Variants in EIF4E3 observed in about 807,000 individuals in gnomAD.
EIF4E3 encodes eukaryotic translation initiation factor 4E type 3.
EIF4E3 carries 26 observed loss-of-function variants against 31.7 expected under a neutral mutation model. The observed-to-expected ratio is 0.82, with a 90% confidence interval of 0.60 to 1.14. EIF4E3 has a LOEUF of 1.14. Among genes scored for constraint, EIF4E3 ranks in the 50% most tolerant of loss-of-function variants. The probability of loss-of-function intolerance (pLI) is 0.00; values close to 1 mark genes in which losing one functional copy is unlikely to be tolerated. For synonymous variants in EIF4E3, 128 were observed against 107.7 expected (o/e 1.19, Z -1.17); for missense variants, 304 against 270.9 (o/e 1.12, Z -0.86).
intron 1 of EIF4E3, among the ~76,000 whole-genome samples, chr3:71,733,414 G>A (rs1188757672): frequency 2.6e-5 from 4 of 152,206 alleles, no homozygotes; most frequent in Non-Finnish European, 5.9e-5. Flanking sequence ...TCATTTAGGG[G>A]AACATTTTGT....
intron 1 of EIF4E3, among the ~76,000 whole-genome samples, chr3:71,730,649 C>T (rs1342298693): frequency 6.6e-6 from 1 of 152,182 alleles, no homozygotes; most frequent in African/African-American, 2.4e-5. Flanking sequence ...ATCCATCCAC[C>T]TATCAGACAT....
intron 1 of EIF4E3, among the ~76,000 whole-genome samples, chr3:71,739,107 T>C (rs1223706516): frequency 6.7e-6 from 1 of 150,018 alleles, no homozygotes; most frequent in East Asian, 2.0e-4. Context: ...GCTAAAGCAC[T>C]ACTGAGAGGG....
upstream of EIF4E3, among the ~76,000 whole-genome samples, chr3:71,725,639 G>A (rs193182408): frequency 3.2e-3 from 489 of 152,130 alleles, 2 homozygotes; most frequent in Non-Finnish European, 5.4e-3. This position sits in a 1 kb window ranked among gnomAD's most constrained non-coding sequence, Gnocchi z 6.1. Flanking sequence ...CCCAGCGTGG[G>A]AGACTGACGG....
chr3:71,678,295 A>G lies in EIF4E3; in HGVS notation c.*6387T>C, dbSNP rs554462788. The G allele has an allele frequency of 2.6e-5, 4 of 152,320 alleles. No homozygotes were observed. Among genetic ancestry groups the G allele is most frequent in the Admixed American group, 2.6e-4 (4 of 15,294 alleles). The allele number at this position is 152,320 out of a possible 1,614,324, so 9.4% of individuals were successfully genotyped here. On this transcript the variant is annotated 3_prime_UTR_variant, in exon 7 of 7. Coordinates refer to ENST00000425534, the MANE Select transcript of EIF4E3 (RefSeq NM_001134651.2). Reference sequence around the variant, plus strand: ...GAGAATTAGTAGCAACAGATTACAAAAGATCTCAAAATAAAGTTCTACAAA... The same window carrying G: ...GAGAATTAGTAGCAACAGATTACAAGAGATCTCAAAATAAAGTTCTACAAA...
chr3:71,710,267 G>A, intron 2 of EIF4E3, 145 bp downstream of exon 2: 1 of 856,016 alleles, frequency 1.2e-6, no homozygotes, highest in East Asian at 2.7e-5. Flanking sequence ...TTGGTCAAGG[G>A]CAGCTGTGCC....
intron 5 of EIF4E3, among the ~76,000 whole-genome samples, chr3:71,693,473 C>T (rs2049090937): frequency 6.6e-6 from 1 of 152,162 alleles, no homozygotes; most frequent in Non-Finnish European, 1.5e-5. Context: ...TCACTAGACA[C>T]TGAAGACACT....
In EIF4E3 at chr3:71,684,653, A is replaced by G. The variant is rs1322770689; in HGVS notation, c.*29T>C. 1 of 1,613,468 alleles carries G rather than the reference A, an allele frequency of 6.2e-7. No individual in the cohort carries two copies. The highest frequency in any genetic ancestry group is 8.5e-7 in the Non-Finnish European group (1 of 1,179,758). The stretch of plus-strand genomic sequence containing the variant: ...AGACCGTTTCCAAAACCAATCAGCA[A>G]AGGACAAAGAATTCTTTACAGAGTG... On this transcript the variant is annotated 3_prime_UTR_variant, in exon 7 of 7. Coordinates refer to ENST00000425534, the MANE Select transcript of EIF4E3 (RefSeq NM_001134651.2).
intron 1 of EIF4E3, among the ~76,000 whole-genome samples, chr3:71,749,590 C>T (rs2108164511): frequency 6.6e-6 from 1 of 152,276 alleles, no homozygotes; most frequent in South Asian, 2.1e-4. Flanking sequence ...ATGACCTTGA[C>T]TGTATCTGCC....
chr3:71,747,584 G>A (rs928450499), intron 1 of EIF4E3, among the ~76,000 whole-genome samples: 2 of 152,060 alleles, frequency 1.3e-5, no homozygotes, highest in African/African-American at 4.8e-5. Context: ...TCATTTTCTT[G>A]ATGGTGTCTA....
At chr3:71,719,646 G>A (rs2049516435) in intron 1 of EIF4E3, among the ~76,000 whole-genome samples, 1 of 152,170 alleles carries the variant, frequency 6.6e-6, no homozygotes, top group Admixed American at 6.5e-5. Context: ...CCAAGGAAAG[G>A]GCCAGTAGTC....
rs2048932839 is a variant in EIF4E3 at position 71,682,239 on chromosome 3, A to G, written c.*2443T>C. 2.6e-5 allele frequency: 4 copies of G among 152,240 alleles called. No individual in the cohort carries two copies. Among genetic ancestry groups the G allele is most frequent in the Admixed American group, 2.6e-4 (4 of 15,282 alleles). The allele number at this position is 152,240 out of a possible 1,614,324, so 9.4% of individuals were successfully genotyped here. A position where few individuals can be genotyped will look rare whatever the true frequency, so the allele number is the denominator to read the frequency against. On this transcript the variant is annotated 3_prime_UTR_variant, in exon 7 of 7. Transcript: ENST00000425534. ...CAGACCCTAAGGAATTACAAAGACAAAAAAGCAAGCTCTTTGGTTTCTGCA... is the reference window on the plus strand; with the variant it reads ...CAGACCCTAAGGAATTACAAAGACAGAAAAGCAAGCTCTTTGGTTTCTGCA...
chr3:71,715,348 G>A (rs546981398), intron 1 of EIF4E3, among the ~76,000 whole-genome samples: 80 of 152,330 alleles, frequency 5.3e-4, no homozygotes, highest in African/African-American at 1.9e-3. Context: ...GGCCACTGGG[G>A]ATACAATGGT....
chr3:71,692,665 C>G (rs2049079537), intron 5 of EIF4E3, among the ~76,000 whole-genome samples: 1 of 151,514 alleles, frequency 6.6e-6, no homozygotes, highest in African/African-American at 2.4e-5. Flanking sequence ...GCGATCATAG[C>G]TCATTGCAGC....
chr3:71,671,376 C>A (rs939915212), downstream of EIF4E3, among the ~76,000 whole-genome samples: 2 of 151,892 alleles, frequency 1.3e-5, no homozygotes, highest in African/African-American at 4.8e-5. Flanking sequence ...TTGGAGCACC[C>A]GTGTCGGAGA....
At chr3:71,710,919 T>C (rs2049369741) in intron 1 of EIF4E3, among the ~76,000 whole-genome samples, 1 of 152,224 alleles carries the variant, frequency 6.6e-6, no homozygotes, top group Admixed American at 6.5e-5. Flanking sequence ...GTGGCAAATA[T>C]TCAAGCACTC....
At chr3:71,670,777 G>A (rs914226231), downstream of EIF4E3, among the ~76,000 whole-genome samples, 1 of 152,162 alleles carries the variant, frequency 6.6e-6, no homozygotes, top group South Asian at 2.1e-4. Context: ...ACACTGGATA[G>A]CACGAAAAGA....
chr3:71,695,867 T>A (rs1173817266), intron 4 of EIF4E3, among the ~76,000 whole-genome samples: 1 of 152,176 alleles, frequency 6.6e-6, no homozygotes, highest in Non-Finnish European at 1.5e-5. Flanking sequence ...GTCAATAAGA[T>A]GAATTAGAGC....
chr3:71,684,828 A>C, intron 6 of EIF4E3, 100 bp from the exon 7 acceptor site: 4 of 1,254,316 alleles, frequency 3.2e-6, no homozygotes, highest in Non-Finnish European at 4.4e-6. Context: ...GCTTCCCCAA[A>C]TGTTGGCAAG....
chr3:71,700,893 G>A (rs1297086792), intron 2 of EIF4E3, among the ~76,000 whole-genome samples: 1 of 152,148 alleles, frequency 6.6e-6, no homozygotes, highest in African/African-American at 2.4e-5. Flanking sequence ...GTGTTAGCAG[G>A]TGGGGCCCCT....
Sources: allele counts gnomAD v4.1 joint callset (sites outside exome capture counted in the v4.1 genomes callset), GRCh38; gene constraint gnomAD v4.1.1; non-coding constraint Gnocchi (gnomAD v3.1); transcripts MANE v1.5; gene names NCBI Gene and HGNC (gene_info 2026-07-23, HGNC 2026-07-21).